WNT7A: variants seen among roughly 807,000 people sequenced by gnomAD.
WNT7A encodes the protein Wnt family member 7A.
WNT7A carries 16 observed loss-of-function variants against 28.2 expected under a neutral mutation model. The ratio of observed to expected loss-of-function variants is 0.57; its 90% confidence interval spans 0.38 to 0.86. The LOEUF (loss-of-function observed/expected upper bound fraction) is 0.86, where lower values mean the gene tolerates loss of function less well. Ranked by LOEUF, WNT7A falls within the 40% of genes least tolerant of loss-of-function variation. The pLI, the probability that WNT7A is intolerant of heterozygous loss-of-function variation, is 0.00. For synonymous variants in WNT7A, 190 were observed against 195.9 expected (o/e 0.97, Z 0.25); for missense variants, 411 against 489.7 (o/e 0.84, Z 1.52).
intron 3 of WNT7A, among the ~76,000 whole-genome samples, chr3:13,847,020 G>A (rs1289447502): frequency 6.6e-6 from 1 of 152,148 alleles, no homozygotes; most frequent in Non-Finnish European, 1.5e-5. Flanking sequence ...TACCCATGCG[G>A]CCTCTCTTAT....
chr3:13,831,056 T>C (rs974207238), intron 3 of WNT7A, among the ~76,000 whole-genome samples: 1 of 152,204 alleles, frequency 6.6e-6, no homozygotes, highest in Non-Finnish European at 1.5e-5. Flanking sequence ...TGTAGGATTG[T>C]GCCATTGTTC....
chr3:13,877,502 A>G (rs9836485), intron 1 of WNT7A, among the ~76,000 whole-genome samples: 5,128 of 152,318 alleles, frequency 0.034, 297 homozygotes, highest in African/African-American at 0.12. Context: ...GGAAATTTCT[A>G]CACCAGCTGA....
chr3:13,848,199 A>G (rs1694571339), intron 3 of WNT7A, among the ~76,000 whole-genome samples: 1 of 152,222 alleles, frequency 6.6e-6, no homozygotes, highest in African/African-American at 2.4e-5. Context: ...ATTCAAAGAA[A>G]AATAGATACA....
rs1575072387 is a variant in WNT7A at position 13,864,321 on chromosome 3, A to C, written c.299-9518T>G. On this transcript the variant is annotated intron_variant, in intron 2 of 3. Coordinates refer to ENST00000285018, the MANE Select transcript of WNT7A (RefSeq NM_004625.4). ...AAAACCCTGCAGGATGCCTGGTCCCACCTCTTTCCCCAGCCTCTTCTACCC... is the reference window on the plus strand; with the variant it reads ...AAAACCCTGCAGGATGCCTGGTCCCCCCTCTTTCCCCAGCCTCTTCTACCC... Among the ~76,000 whole-genome samples, 2 of 151,848 alleles carry C rather than the reference A, an allele frequency of 1.3e-5. 1 individual carries two copies.
In WNT7A at chr3:13,830,099, C is replaced by G. The variant is rs909547120; in HGVS notation, c.571-10676G>C. 2.0e-5 allele frequency among the ~76,000 whole-genome samples: 3 copies of G among 152,116 alleles called. No individual in the cohort carries two copies. The South Asian group carries it at 6.2e-4, about 32-fold the overall frequency. On this transcript the variant is annotated intron_variant, in intron 3 of 3. Transcript: ENST00000285018. ...GCTCCTGGTCCCCGCAGCGTCTTCT[C>G]CCATCCACATTGCTGGTACTGCTAT... is the stretch of plus-strand genomic sequence containing the variant.
At chr3:13,819,511 CT>C in intron 3 of WNT7A, 88 bp from the exon 4 acceptor site, 3 of 1,467,878 alleles carry the variant, frequency 2.0e-6, no homozygotes, top group Non-Finnish European at 2.7e-6. Context: ...CCCCCCACCC[CT>C]GCCCCACCTA....
chr3:13,856,899 G>GAAGAAGAAGAAGAAGAAGAAA (rs1559303210), intron 2 of WNT7A, among the ~76,000 whole-genome samples: 1,004 of 45,704 alleles, frequency 0.022, 8 homozygotes, highest in Middle Eastern at 0.044. Context: ...AGAAAAAGAA[G>GAAGAAGAAGAAGAAGAAGAAA]AAGAAGAAGA....
At chr3:13,833,803 TG>T (rs1451751872) in intron 3 of WNT7A, among the ~76,000 whole-genome samples, 1 of 152,234 alleles carries the variant, frequency 6.6e-6, no homozygotes, top group East Asian at 1.9e-4. Flanking sequence ...TCCCAACTGC[TG>T]GAGCACCCTG....
rs557822253 is a variant in WNT7A at position 13,864,812 on chromosome 3, C to T, written c.299-10009G>A. On this transcript the variant is annotated intron_variant, in intron 2 of 3. Transcript: ENST00000285018. Reference sequence around the variant, plus strand: ...CTCTTCATTCTATACACTGTGTTGTCGCATATACATTTTACATGTATGTGC... The same window carrying T: ...CTCTTCATTCTATACACTGTGTTGTTGCATATACATTTTACATGTATGTGC... Among the ~76,000 whole-genome samples, 12 of 152,244 alleles carry T rather than the reference C, an allele frequency of 7.9e-5. No individual in the cohort carries two copies. In the East Asian group the frequency reaches 1.3e-3, roughly 17 times the overall value.
At chr3:13,820,313 T>G (rs1387539174) in intron 3 of WNT7A, among the ~76,000 whole-genome samples, 1 of 152,172 alleles carries the variant, frequency 6.6e-6, no homozygotes, top group Non-Finnish European at 1.5e-5. Flanking sequence ...GAGTGGACAT[T>G]TATTAACCCC....
At chr3:13,869,497 AAGAGAGAGGAAGGG>A (rs1166512958) in intron 2 of WNT7A, among the ~76,000 whole-genome samples, 3 of 146,554 alleles carry the variant, frequency 2.0e-5, no homozygotes, top group Non-Finnish European at 4.5e-5. Context: ...GAGGGAGGGA[AAGAGAGAGGAAGGG>A]AGAGAGAGAA....
At position 13,875,008 on chromosome 3, in the gene WNT7A, A is replaced by G; in HGVS notation, c.237T>C (p.Asn79=). ...GLDECQFQFR[N]GRWNCSALGE... ...CCAGTGCAGAGCAGTTCCAGCGGCC[A>G]TTGCGGAACTGAAACTGACACTCGT... The change falls in exon 2 of 4, where the codon AAT becomes AAC. Residue 79 remains asparagine, a synonymous_variant. Transcript: ENST00000285018. 6.2e-7 allele frequency: 1 copy of G among 1,614,202 alleles called. No individual in the cohort carries two copies. Among genetic ancestry groups the G allele is most frequent in the Non-Finnish European group, 8.5e-7 (1 of 1,180,032 alleles).
chr3:13,822,122 A>G (rs1694120460), intron 3 of WNT7A, among the ~76,000 whole-genome samples: 1 of 152,214 alleles, frequency 6.6e-6, no homozygotes, highest in Non-Finnish European at 1.5e-5. Context: ...ACCCTCTTGC[A>G]CTGCTGGTGG....
intron 2 of WNT7A, among the ~76,000 whole-genome samples, chr3:13,868,976 GAAAGAGAAAGAA>G (rs1254881059): frequency 2.1e-5 from 3 of 145,776 alleles, no homozygotes; most frequent in African/African-American, 2.5e-5. Flanking sequence ...GGGAGAAAGA[GAAAGAGAAAGAA>G]AAAGAGAAAG....
chr3:13,853,006 C>T (rs1694664455), intron 3 of WNT7A, among the ~76,000 whole-genome samples: 1 of 152,172 alleles, frequency 6.6e-6, no homozygotes, highest in Admixed American at 6.5e-5. Context: ...TGCTCAAAAA[C>T]ATCAGGTCAG....
At position 13,864,758 on chromosome 3, in the gene WNT7A, A is replaced by G. The variant is rs560985442; in HGVS notation, c.299-9955T>C. On this transcript the variant is annotated intron_variant, in intron 2 of 3. Transcript: ENST00000285018. ...CCAAATGTACCAGAAAAAAATTAAA[A>G]TATTATATACTTATATTGTGGATAT... is the stretch of plus-strand genomic sequence containing the variant. Among the ~76,000 whole-genome samples, 65 of 152,326 alleles carry G rather than the reference A, an allele frequency of 4.3e-4. No homozygotes were observed. The South Asian group carries it at 0.013, about 30-fold the overall frequency.
intron 2 of WNT7A, among the ~76,000 whole-genome samples, chr3:13,864,410 C>T (rs1354788765): frequency 8.5e-5 from 13 of 152,148 alleles, no homozygotes; most frequent in Admixed American, 8.5e-4. Context: ...CTCCTGTCTG[C>T]GTCGCCCAGC....
At chr3:13,874,711 T>C (rs1425408894) in intron 2 of WNT7A, among the ~76,000 whole-genome samples, 3 of 146,930 alleles carry the variant, frequency 2.0e-5, no homozygotes, top group African/African-American at 7.4e-5. Context: ...AGGTTAACAT[T>C]TGGGTCACTG....
intron 3 of WNT7A, among the ~76,000 whole-genome samples, chr3:13,843,599 A>C (rs180855978): frequency 7.2e-4 from 109 of 152,182 alleles, no homozygotes; most frequent in African/African-American, 2.4e-3. Context: ...GCAGTACCCA[A>C]CCAGAGCCTC....
Sources: gnomAD v4.1 joint callset for allele counts (sites outside exome capture counted in the v4.1 genomes callset) on GRCh38, gnomAD v4.1.1 for gene constraint, MANE v1.5 for transcripts, NCBI Gene and HGNC (gene_info 2026-07-23, HGNC 2026-07-21) for gene names.